Variants in DSCAM observed in about 807,000 individuals in gnomAD.
DSCAM encodes DS cell adhesion molecule, also known as cell adhesion molecule DSCAM.
Under a neutral mutation model 217.7 loss-of-function variants are expected in DSCAM, and 47 were observed. The ratio of observed to expected loss-of-function variants is 0.22; its 90% CI spans 0.17 to 0.28. The LOEUF is 0.28. Ranked by LOEUF, DSCAM falls within the 10% of genes least tolerant of loss-of-function variation. The pLI, the probability that DSCAM is intolerant of heterozygous loss-of-function variation, is 1.00. For missense variants in DSCAM, 2,080 were observed against 2,618.3 expected, an observed-to-expected ratio of 0.79 and a Z score of 4.49; for synonymous variants, 1,056 against 1,015.3, an observed-to-expected ratio of 1.04 and a Z score of -0.76.
chr21:40,784,528 A>T (rs1420078789), intron 1 of DSCAM, among the ~76,000 whole-genome samples: 3 of 152,224 alleles, frequency 2.0e-5, no homozygotes, highest in African/African-American at 7.2e-5. Context: ...AAACAAGTCA[A>T]CATTTATTAG....
chr21:40,075,176 G>A lies in DSCAM; in HGVS notation c.4749C>T (p.Asn1583=), dbSNP rs41506148. 3.0e-3 allele frequency: 4,817 copies of A among 1,614,158 alleles called. 117 individuals are homozygous for A. Among genetic ancestry groups the A allele is most frequent in the East Asian group, 0.026 (1,149 of 44,886 alleles). Reference sequence around the variant, plus strand: ...CCTCGTTGGTCGTCAGCCCTTCTTCGTTTTGGACAACTGACTTAATGAGTG... The same window carrying A: ...CCTCGTTGGTCGTCAGCCCTTCTTCATTTTGGACAACTGACTTAATGAGTG... ...IPPLIKSVVQ[N]EEGLTTNEGL... Residue 1583 remains asparagine (N), a synonymous_variant, in exon 27 of 33, where the codon AAC becomes AAT. Transcript: ENST00000400454.
chr21:40,797,738 G>A (rs554954449), intron 1 of DSCAM, among the ~76,000 whole-genome samples: 14 of 152,294 alleles, frequency 9.2e-5, no homozygotes, highest in African/African-American at 3.1e-4. Context: ...AGAAAGAGCT[G>A]AATGGAGACA....
At chr21:40,073,855 C>T (rs868666534) in intron 27 of DSCAM, among the ~76,000 whole-genome samples, 10 of 152,226 alleles carry the variant, frequency 6.6e-5, no homozygotes, top group Middle Eastern at 3.4e-3. Flanking sequence ...CGCACGATTG[C>T]GAAAGAACAT....
At chr21:40,464,925 G>C (rs1416207316) in intron 3 of DSCAM, among the ~76,000 whole-genome samples, 1 of 151,918 alleles carries the variant, frequency 6.6e-6, no homozygotes, top group East Asian at 1.9e-4. Context: ...ATTTTTAGTA[G>C]AGATGAGGTT....
intron 3 of DSCAM, among the ~76,000 whole-genome samples, chr21:40,409,977 G>A (rs2075308986): frequency 6.6e-6 from 1 of 151,986 alleles, no homozygotes; most frequent in Non-Finnish European, 1.5e-5. Context: ...GCAGAAATAT[G>A]TATATATTAT....
At chr21:40,330,456 T>C (rs932925423) in intron 8 of DSCAM, among the ~76,000 whole-genome samples, 1 of 149,736 alleles carries the variant, frequency 6.7e-6, no homozygotes, top group Non-Finnish European at 1.5e-5. Flanking sequence ...TTACACATAG[T>C]CTTTTTTTCC....
chr21:40,156,287 C>CAGAGAGAGAGAGAGAG (rs749781848), intron 16 of DSCAM, among the ~76,000 whole-genome samples: 57 of 75,746 alleles, frequency 7.5e-4, no homozygotes, highest in East Asian at 9.3e-4. Flanking sequence ...CAAACTAAGA[C>CAGAGAGAGAGAGAGAG]AGAGAGAGAG....
At chr21:40,079,018 T>A in intron 25 of DSCAM, 41 bp from the exon 26 acceptor site, 1 of 1,592,262 alleles carries the variant, frequency 6.3e-7, no homozygotes, top group Non-Finnish European at 8.6e-7. Context: ...ACAGGACACA[T>A]GGGGAGGCCA....
At chr21:40,666,862 C>T (rs563714663) in intron 3 of DSCAM, among the ~76,000 whole-genome samples, 2 of 152,208 alleles carry the variant, frequency 1.3e-5, no homozygotes, top group African/African-American at 4.8e-5. Flanking sequence ...TTCCAAAAGC[C>T]ACTGTGGCTG....
intron 3 of DSCAM, among the ~76,000 whole-genome samples, chr21:40,432,403 A>T (rs2075543146): frequency 6.6e-6 from 1 of 151,798 alleles, no homozygotes; most frequent in African/African-American, 2.4e-5. Context: ...CCTTCCTCAC[A>T]CCACCACCTC....
chr21:40,023,143 A>G (rs1314599260), intron 32 of DSCAM, among the ~76,000 whole-genome samples: 1 of 150,792 alleles, frequency 6.6e-6, no homozygotes, highest in East Asian at 2.0e-4. Flanking sequence ...TGTTCTTGCG[A>G]TAGTTTACTG....
Position 40,339,986 on chromosome 21 carries a change from A to G in DSCAM, c.1211-571T>C, listed in dbSNP as rs79850089. Reference sequence around the variant, plus strand: ...TTTTCTCATAAGAAATCCTCTTTTAATAACTTTAATTACAAATAGTAATTG... The same window carrying G: ...TTTTCTCATAAGAAATCCTCTTTTAGTAACTTTAATTACAAATAGTAATTG... On this transcript the variant is annotated intron_variant, in intron 6 of 32. Coordinates refer to ENST00000400454, the MANE Select transcript of DSCAM (RefSeq NM_001389.5). Among the ~76,000 whole-genome samples, 1,110 of 152,314 alleles carry G rather than the reference A, an allele frequency of 7.3e-3. 11 individuals carry two copies. The highest frequency in any genetic ancestry group is 0.025 in the African/African-American group (1,027 of 41,570).
chr21:40,136,587 A>G (rs1307720668), intron 18 of DSCAM, among the ~76,000 whole-genome samples: 4 of 152,224 alleles, frequency 2.6e-5, no homozygotes, highest in Admixed American at 2.6e-4. Flanking sequence ...TCACACACGT[A>G]CCTCCCTACA....
chr21:40,369,866 A>G, intron 3 of DSCAM, among the ~76,000 whole-genome samples: 1 of 152,198 alleles, frequency 6.6e-6, no homozygotes. Flanking sequence ...TCAGTGTTTT[A>G]GAATACTCTG....
chr21:40,434,274 C>A (rs1282908070), intron 3 of DSCAM, among the ~76,000 whole-genome samples: 1 of 152,190 alleles, frequency 6.6e-6, no homozygotes, highest in Admixed American at 6.5e-5. Flanking sequence ...CAGGTGTGAA[C>A]ACACAACATG....
chr21:40,330,598 C>T (rs1237811752), intron 8 of DSCAM, among the ~76,000 whole-genome samples: 5 of 151,834 alleles, frequency 3.3e-5, no homozygotes, highest in Admixed American at 3.3e-4. Flanking sequence ...CAGGACAAAC[C>T]TGTCTGAAGG....
At chr21:40,229,790 AC>A (rs2091365032) in intron 11 of DSCAM, among the ~76,000 whole-genome samples, 1 of 152,230 alleles carries the variant, frequency 6.6e-6, no homozygotes, top group Non-Finnish European at 1.5e-5. Flanking sequence ...GCAATTACGA[AC>A]AAAGCTGTTA....
At chr21:40,706,146 C>T (rs1298161361) in intron 2 of DSCAM, among the ~76,000 whole-genome samples, 1 of 148,076 alleles carries the variant, frequency 6.8e-6, no homozygotes. Flanking sequence ...CGCGACTGCA[C>T]TCCAGCCTGG....
At chr21:40,117,169 G>A (rs2089981023) in intron 20 of DSCAM, among the ~76,000 whole-genome samples, 1 of 152,086 alleles carries the variant, frequency 6.6e-6, no homozygotes, top group East Asian at 1.9e-4. Context: ...GCCTTATTAA[G>A]CTACAGCTTC....
Sources: gnomAD v4.1 joint callset for allele counts (sites outside exome capture counted in the v4.1 genomes callset) on GRCh38, gnomAD v4.1.1 for gene constraint, MANE v1.5 for transcripts, NCBI Gene and HGNC (gene_info 2026-07-23, HGNC 2026-07-21) for gene names.